SV2C: variants seen among roughly 807,000 people sequenced by gnomAD.
The protein encoded by SV2C is solute carrier family 22 member B3.
A neutral mutation model predicts 79.7 loss-of-function variants in SV2C; 49 were observed. The ratio of observed to expected loss-of-function variants is 0.61; its 90% confidence interval spans 0.49 to 0.78. SV2C has a LOEUF of 0.78. Among genes scored for constraint, SV2C ranks in the 30% least tolerant of loss-of-function variants. The probability of loss-of-function intolerance (pLI) is 0.00; values close to 1 mark genes in which losing one functional copy is unlikely to be tolerated. For synonymous variants in SV2C, 334 were observed against 333.2 expected (o/e 1.00, Z -0.03); for missense variants, 833 against 912.9 (o/e 0.91, Z 1.13).
At chr5:76,002,382 G>T in the SV2C span, among the ~76,000 whole-genome samples, 1 of 152,104 alleles carries the variant, frequency 6.6e-6, no homozygotes, top group African/African-American at 2.4e-5. Flanking sequence ...AATCTCTGCT[G>T]CTCACTTGTG....
the SV2C span, among the ~76,000 whole-genome samples, chr5:76,000,440 C>T: frequency 6.6e-6 from 1 of 152,038 alleles, no homozygotes; most frequent in Non-Finnish European, 1.5e-5. Flanking sequence ...TAATGCTGGG[C>T]CTGCCTCATA....
At chr5:76,092,298 A>G (rs762381200) in intron 1 of SV2C, among the ~76,000 whole-genome samples, 1 of 152,220 alleles carries the variant, frequency 6.6e-6, no homozygotes, top group Non-Finnish European at 1.5e-5. Flanking sequence ...ATTAATTTCA[A>G]TATACACCTG....
intron 2 of SV2C, among the ~76,000 whole-genome samples, chr5:76,172,070 G>A (rs1743300080): frequency 5.5e-5 from 4 of 72,814 alleles, no homozygotes; most frequent in African/African-American, 2.4e-4. Context: ...TGGGAAGTGA[G>A]GAGCCCCTCT....
At chr5:75,944,807 G>GT in the SV2C span, among the ~76,000 whole-genome samples, 2 of 152,064 alleles carry the variant, frequency 1.3e-5, no homozygotes, top group African/African-American at 2.4e-5. Flanking sequence ...CAGTTTTTAT[G>GT]TTTTTTCTCT....
At chr5:75,874,404 C>A in the SV2C span, among the ~76,000 whole-genome samples, 1 of 152,030 alleles carries the variant, frequency 6.6e-6, no homozygotes, top group Non-Finnish European at 1.5e-5. Context: ...AAGGAACATA[C>A]CTCAAAATAA....
chr5:76,103,741 G>T (rs1747817458), intron 1 of SV2C, among the ~76,000 whole-genome samples: 1 of 152,222 alleles, frequency 6.6e-6, no homozygotes, highest in Non-Finnish European at 1.5e-5. Flanking sequence ...AGTTCTAGGA[G>T]ATTGGTACAA....
the SV2C span, among the ~76,000 whole-genome samples, chr5:76,054,457 T>A: frequency 6.6e-6 from 1 of 152,210 alleles, no homozygotes; most frequent in Non-Finnish European, 1.5e-5. Flanking sequence ...TAAACATATG[T>A]GTGCATGGGT....
chr5:76,103,589 C>G (rs1747810604), intron 1 of SV2C, among the ~76,000 whole-genome samples: 1 of 152,148 alleles, frequency 6.6e-6, no homozygotes, highest in East Asian at 1.9e-4. Flanking sequence ...CTTCACCAGA[C>G]AGTTGTATGC....
chr5:76,169,219 C>A (rs888880856), intron 2 of SV2C, among the ~76,000 whole-genome samples: 2 of 152,184 alleles, frequency 1.3e-5, no homozygotes, highest in African/African-American at 4.8e-5. Flanking sequence ...CCAGGATGGT[C>A]AGCAGTTGGT....
chr5:75,955,329 A>G, the SV2C span, among the ~76,000 whole-genome samples: 1 of 149,542 alleles, frequency 6.7e-6, no homozygotes, highest in Non-Finnish European at 1.5e-5. Flanking sequence ...TGCTGGGAAA[A>G]CTGGCTAGCC....
At position 76,300,937 on chromosome 5, in the gene SV2C, G is replaced by C. The variant is rs780585330; in HGVS notation, c.1840+5G>C. The C allele has an allele frequency of 5.6e-6, 9 of 1,613,988 alleles. No individual in the cohort carries two copies. The highest frequency in any genetic ancestry group is 7.6e-6 in the Non-Finnish European group (9 of 1,179,916). ...TTGGGCGCTTAACAATGCTAGGTAT[G>C]TACTCAGTTTCATGTCAAATAAAAG... is the stretch of plus-strand genomic sequence containing the variant. On this transcript the variant is annotated splice_donor_5th_base_variant and intron_variant, in intron 11 of 12. Coordinates refer to ENST00000502798, the MANE Select transcript of SV2C (RefSeq NM_014979.4).
In SV2C at chr5:76,168,278, C is replaced by A. The variant is rs538414277; in HGVS notation, c.581-26641C>A. 3.9e-5 allele frequency among the ~76,000 whole-genome samples: 6 copies of A among 152,262 alleles called. No individual in the cohort carries two copies. In the East Asian group the frequency reaches 9.7e-4, roughly 25 times the overall value. ...TGCAGCCTTCACTGGCCTTCCCCGA[C>A]CTCTGGGACTGAACCCTGTGTCCCT... On this transcript the variant is annotated intron_variant, in intron 2 of 12. Transcript: ENST00000502798.
intron 4 of SV2C, among the ~76,000 whole-genome samples, chr5:76,266,428 A>C (rs887657404): frequency 6.6e-6 from 1 of 152,082 alleles, no homozygotes; most frequent in South Asian, 2.1e-4. Flanking sequence ...GGCTGGTCTC[A>C]AACTCCTGAC....
At chr5:76,096,268 C>T (rs940721371) in intron 1 of SV2C, among the ~76,000 whole-genome samples, 4 of 152,144 alleles carry the variant, frequency 2.6e-5, no homozygotes, top group Non-Finnish European at 2.9e-5. Flanking sequence ...CCATGTCCAA[C>T]ATCATAAATT....
the SV2C span, among the ~76,000 whole-genome samples, chr5:76,033,170 G>A: frequency 6.6e-6 from 1 of 152,106 alleles, no homozygotes; most frequent in South Asian, 2.1e-4. Context: ...TGAGTAGGTT[G>A]CAAAAATGTT....
chr5:76,007,336 G>A, the SV2C span, among the ~76,000 whole-genome samples: 3 of 151,978 alleles, frequency 2.0e-5, no homozygotes, highest in African/African-American at 4.8e-5. Context: ...GCATTTGAAC[G>A]CAAACAGACT....
intron 2 of SV2C, among the ~76,000 whole-genome samples, chr5:76,162,799 C>T (rs1742933744): frequency 6.6e-6 from 1 of 152,178 alleles, no homozygotes; most frequent in Admixed American, 6.5e-5. Flanking sequence ...AGATATGCTC[C>T]TCCACCTCTT....
chr5:76,025,398 T>A, the SV2C span, among the ~76,000 whole-genome samples: 1 of 152,124 alleles, frequency 6.6e-6, no homozygotes, highest in Non-Finnish European at 1.5e-5. Context: ...GATGGCATAA[T>A]GCCTTTTCAC....
rs775666861 is a variant in SV2C, at chr5:76,291,848, G to C, written c.1329G>C (p.Leu443=). Residue 443 remains leucine, a synonymous_variant, in exon 8 of 13, where the codon CTG becomes CTC. Coordinates refer to ENST00000502798, the MANE Select transcript of SV2C (RefSeq NM_014979.4). ...AGCTTACAATTGTTTGGTTCACCCT[G>C]TCCTTTGGGTAAGTGATATTTAAAT... The part of the protein sequence containing the change: ...TIKLTIVWFT[L]SFGYYGLSVW... 6.2e-7 allele frequency: 1 copy of C among 1,605,628 alleles called. No individual in the cohort carries two copies. Among genetic ancestry groups the C allele is most frequent in the South Asian group, 1.1e-5 (1 of 89,922 alleles).
Sources: gnomAD v4.1 joint callset for allele counts (sites outside exome capture counted in the v4.1 genomes callset) on GRCh38, gnomAD v4.1.1 for gene constraint, MANE v1.5 for transcripts, NCBI Gene and HGNC (gene_info 2026-07-23, HGNC 2026-07-21) for gene names.